Variants in ZNF462 observed in about 807,000 individuals in gnomAD.
ZNF462 encodes zinc finger PBX1-interacting protein.
In ZNF462, 10 loss-of-function variants were observed where a neutral mutation model predicts 201.9. That is an observed-to-expected ratio of 0.05 (90% CI 0.03 to 0.08). The LOEUF (loss-of-function observed/expected upper bound fraction) is 0.08, where lower values mean the gene tolerates loss of function less well. ZNF462 is among the 10% of genes least tolerant of loss of function. The probability of loss-of-function intolerance (pLI) is 1.00; values close to 1 mark genes in which losing one functional copy is unlikely to be tolerated. For synonymous variants in ZNF462, 1,227 were observed against 1,193.3 expected, an observed-to-expected ratio of 1.03 and a Z score of -0.58; for missense variants, 2,523 against 3,168.3, an observed-to-expected ratio of 0.80 and a Z score of 4.89.
chr9:106,959,393 G>C (rs774474560), intron 7 of ZNF462, among the ~76,000 whole-genome samples: 2 of 152,072 alleles, frequency 1.3e-5, no homozygotes, highest in African/African-American at 2.4e-5. Flanking sequence ...TCCATCCATA[G>C]AACACACTCC....
In ZNF462 at chr9:106,963,594, A is replaced by ATT. The variant is rs199609401; in HGVS notation, c.6428-8410_6428-8409dup. On this transcript the variant is annotated intron_variant, in intron 7 of 12. Coordinates refer to ENST00000277225, the MANE Select transcript of ZNF462 (RefSeq NM_021224.6). This position sits in a 1 kb window ranked among gnomAD's most constrained non-coding sequence, Gnocchi z 4.7. ...AATGGATATTTTCTTAAGTACCATC[A>ATT]TTAAGTATTTATGGTGATAATTAAA... 4.6e-5 allele frequency among the ~76,000 whole-genome samples: 7 copies of ATT among 152,074 alleles called. No homozygotes were observed. The East Asian group carries it at 1.4e-3, about 29-fold the overall frequency.
Position 106,892,067 on chromosome 9 carries a change from G to A in ZNF462, c.-31+28712G>A, listed in dbSNP as rs1296752180. Among the ~76,000 whole-genome samples the A allele has an allele frequency of 2.0e-5, 3 of 152,114 alleles. No individual in the cohort carries two copies. In the East Asian group the frequency reaches 5.8e-4, roughly 29 times the overall value. On this transcript the variant is annotated intron_variant, in intron 1 of 12. Coordinates refer to ENST00000277225, the MANE Select transcript of ZNF462 (RefSeq NM_021224.6). The stretch of plus-strand genomic sequence containing the variant: ...TGTATTTCTCTATTGAAAGAGCAGG[G>A]GATTCCATTTGAGGCTGTTGATTAA...
In ZNF462 at chr9:106,926,921, G is replaced by A. The variant is rs774203960; in HGVS notation, c.3009G>A (p.Thr1003=). The A allele has an allele frequency of 1.5e-5, 25 of 1,614,070 alleles. No individual in the cohort carries two copies. The highest frequency in any genetic ancestry group is 1.6e-4 in the Middle Eastern group (1 of 6,062). The change falls in exon 3 of 13, where the codon ACG becomes ACA. Residue 1003 remains threonine (T), a synonymous_variant. Transcript: ENST00000277225. The surrounding 1 kb of genome is among the most constrained non-coding windows in gnomAD (Gnocchi z 7.9). ...CTCGTGGTGGTGGTTTGCCAGCTAC[G>A]TTCAACAAAAACACTCCTAAGACCT... is the stretch of plus-strand genomic sequence containing the variant. ...PVARGGGLPA[T]FNKNTPKTFT...
chr9:106,932,402 G>C lies in ZNF462; in HGVS notation c.6013-44G>C, dbSNP rs750018013. ...TTGGAGGATGAAACCCGGCCGGGGG[G>C]ATACCATTGCAGTCAATGTGACAGA... On this transcript the variant is annotated intron_variant, in intron 4 of 12. Coordinates refer to ENST00000277225, the MANE Select transcript of ZNF462 (RefSeq NM_021224.6). This position sits in a 1 kb window ranked among gnomAD's most constrained non-coding sequence, Gnocchi z 6.8. 2.5e-5 allele frequency: 41 copies of C among 1,613,906 alleles called. No individual in the cohort carries two copies. Among genetic ancestry groups the C allele is most frequent in the African/African-American group, 4.0e-5 (3 of 74,936 alleles).
intron 7 of ZNF462, among the ~76,000 whole-genome samples, chr9:106,961,840 A>G (rs150190889): frequency 1.4e-4 from 21 of 152,226 alleles, no homozygotes; most frequent in Non-Finnish European, 2.6e-4. Context: ...ATTTGGACTG[A>G]GTTCAGTTTT....
intron 10 of ZNF462, among the ~76,000 whole-genome samples, chr9:107,000,640 T>C (rs1447204278): frequency 6.6e-6 from 1 of 152,134 alleles, no homozygotes; most frequent in East Asian, 1.9e-4. Flanking sequence ...TAGCAAAGAT[T>C]TTAGAAATCT....
At position 106,930,680 on chromosome 9, in the gene ZNF462, T is replaced by G; in HGVS notation, c.6003T>G (p.Ala2001=). 6.2e-7 allele frequency: 1 copy of G among 1,614,120 alleles called. No individual in the cohort carries two copies. Among genetic ancestry groups the G allele is most frequent in the Non-Finnish European group, 8.5e-7 (1 of 1,180,010 alleles). ...VQYGNVPAVS[A]AVKGLRSHER... is the part of the protein sequence containing the mutation. Reference sequence around the variant, plus strand: ...ATGGCAATGTCCCAGCTGTGTCAGCTGCTGTGAAGGTGAGAACTGGAAGGT... The same window carrying G: ...ATGGCAATGTCCCAGCTGTGTCAGCGGCTGTGAAGGTGAGAACTGGAAGGT... Residue 2001 remains alanine (A), a synonymous_variant, in exon 4 of 13, where the codon GCT becomes GCG. Transcript: ENST00000277225. This position sits in a 1 kb window ranked among gnomAD's most constrained non-coding sequence, Gnocchi z 5.8.
intron 1 of ZNF462, among the ~76,000 whole-genome samples, chr9:106,912,943 G>A (rs372199277): frequency 6.6e-6 from 1 of 152,196 alleles, no homozygotes; most frequent in Non-Finnish European, 1.5e-5. Flanking sequence ...GGACAGAATT[G>A]TTCCTCTGGC....
intron 1 of ZNF462, among the ~76,000 whole-genome samples, chr9:106,912,791 G>C (rs1187096792): frequency 6.6e-6 from 1 of 152,140 alleles, no homozygotes; most frequent in Admixed American, 6.5e-5. Flanking sequence ...TTAACTTTTA[G>C]AGTAGAGTCT....
rs1031088627 is a variant in ZNF462, at chr9:106,968,341, T to C, written c.6428-3664T>C. Among the ~76,000 whole-genome samples the C allele has an allele frequency of 2.0e-5, 3 of 152,222 alleles. No homozygotes were observed. Among genetic ancestry groups the C allele is most frequent in the Non-Finnish European group, 4.4e-5 (3 of 68,026 alleles). On this transcript the variant is annotated intron_variant, in intron 7 of 12. Coordinates refer to ENST00000277225, the MANE Select transcript of ZNF462 (RefSeq NM_021224.6). This position sits in a 1 kb window ranked among gnomAD's most constrained non-coding sequence, Gnocchi z 4.0. ...CTAAATCCTATAGGCACTGTGACCATCATTGCTAAAATTCTAATTTGATCC... is the reference window on the plus strand; with the variant it reads ...CTAAATCCTATAGGCACTGTGACCACCATTGCTAAAATTCTAATTTGATCC...
chr9:106,927,652 G>A lies in ZNF462; in HGVS notation c.3740G>A (p.Cys1247Tyr), dbSNP rs150499849. Reference sequence around the variant, plus strand: ...CGAAATCAGAAGAAGCCTGCCAGCTGCGTGCTTGTCTCCCCCTCTAATCTG... The same window carrying A: ...CGAAATCAGAAGAAGCCTGCCAGCTACGTGCTTGTCTCCCCCTCTAATCTG... ...CDRNQKKPAS[C>Y]VLVSPSNLER... Residue 1247 changes from cysteine (C) to tyrosine (Y), a missense_variant, in exon 3 of 13, where the codon TGC (cysteine) becomes TAC (tyrosine). Cys to Tyr is a radical substitution (Grantham distance 194, BLOSUM62 -2). This residue lies in a region of ZNF462 where 222 missense variants were observed against 271.6 expected (regional missense o/e 0.82). Transcript: ENST00000277225. 2.5e-6 allele frequency: 4 copies of A among 1,613,928 alleles called. No homozygotes were observed. The African/African-American group carries it at 5.3e-5, about 22-fold the overall frequency.
rs1205932757 is a variant in ZNF462, at chr9:106,963,587, T to C, written c.6428-8418T>C. ...TCAATCTAATGGATATTTTCTTAAGTACCATCATTAAGTATTTATGGTGAT... is the reference window on the plus strand; with the variant it reads ...TCAATCTAATGGATATTTTCTTAAGCACCATCATTAAGTATTTATGGTGAT... On this transcript the variant is annotated intron_variant, in intron 7 of 12. Coordinates refer to ENST00000277225, the MANE Select transcript of ZNF462 (RefSeq NM_021224.6). This position sits in a 1 kb window ranked among gnomAD's most constrained non-coding sequence, Gnocchi z 4.7. Among the ~76,000 whole-genome samples, 14 of 152,056 alleles carry C rather than the reference T, an allele frequency of 9.2e-5. No homozygotes were observed. The highest frequency in any genetic ancestry group is 9.2e-4 in the Admixed American group (14 of 15,240).
rs1588205951 is a variant in ZNF462, at chr9:107,006,268, C to T, written c.7189+2842C>T. On this transcript the variant is annotated intron_variant, in intron 11 of 12. Transcript: ENST00000277225. This position sits in a 1 kb window ranked among gnomAD's most constrained non-coding sequence, Gnocchi z 4.3. ...AATCACCTAATAAATGATAAGCCTG[C>T]AATGTAGGTGTTATTTTTGTGATTT... is the stretch of plus-strand genomic sequence containing the variant. Among the ~76,000 whole-genome samples, 1 of 152,192 alleles carries T rather than the reference C, an allele frequency of 6.6e-6. No individual in the cohort carries two copies. Among genetic ancestry groups the T allele is most frequent in the African/African-American group, 2.4e-5 (1 of 41,522 alleles).
chr9:106,915,765 C>CTG (rs1829747080), intron 1 of ZNF462, among the ~76,000 whole-genome samples: 1 of 152,180 alleles, frequency 6.6e-6, no homozygotes. Flanking sequence ...GGCTCAGGCA[C>CTG]TGTTTGCCTT....
At position 106,924,594 on chromosome 9, in the gene ZNF462, A is replaced by G. The variant is rs1419415703; in HGVS notation, c.682A>G (p.Ile228Val). The change falls in exon 3 of 13, where the codon ATC becomes GTC. Residue 228 changes from isoleucine to valine, a missense_variant. Around this residue, in one of 15 missense-constraint regions of ZNF462, gnomAD observed 480 missense variants for 544.4 expected, o/e 0.88. Coordinates refer to ENST00000277225, the MANE Select transcript of ZNF462 (RefSeq NM_021224.6). The surrounding 1 kb of genome is among the most constrained non-coding windows in gnomAD (Gnocchi z 6.2). ...GCCAGCAGAGGTTGTGGAGCGCAGC[A>G]TCTTAGAGTCTATGGTCAAGCCTTT... ...ELPAEVVERS[I>V]LESMVKPLTK... The G allele has an allele frequency of 1.2e-6, 2 of 1,614,204 alleles. No individual in the cohort carries two copies. Among genetic ancestry groups the G allele is most frequent in the South Asian group, 1.1e-5 (1 of 91,078 alleles).
chr9:106,972,405 G>A lies in ZNF462; in HGVS notation c.6695+133G>A, dbSNP rs1826670146. 1 of 1,304,638 alleles carries A rather than the reference G, an allele frequency of 7.7e-7. No homozygotes were observed. Among genetic ancestry groups the A allele is most frequent in the Non-Finnish European group, 1.0e-6 (1 of 960,300 alleles). The allele number at this position is 1,304,638 out of a possible 1,614,324, so 80.8% of individuals were successfully genotyped here. On this transcript the variant is annotated intron_variant, in intron 8 of 12. Transcript: ENST00000277225. This position sits in a 1 kb window ranked among gnomAD's most constrained non-coding sequence, Gnocchi z 4.8. The stretch of plus-strand genomic sequence containing the variant: ...GCCCATGTGATGATGTAGGGGTTGG[G>A]TCCAGGCTTCATGGAAGGAGGGTAG...
chr9:106,961,160 G>T (rs995133249), intron 7 of ZNF462, among the ~76,000 whole-genome samples: 11 of 151,954 alleles, frequency 7.2e-5, no homozygotes, highest in African/African-American at 2.7e-4. Flanking sequence ...CACAAACATC[G>T]ATGCCTACTG....
At chr9:106,987,636 C>A (rs1248911734) in intron 10 of ZNF462, among the ~76,000 whole-genome samples, 1 of 152,096 alleles carries the variant, frequency 6.6e-6, no homozygotes, top group Non-Finnish European at 1.5e-5. Flanking sequence ...GCTAACTATT[C>A]TTTCTGCCAT....
Position 106,935,150 on chromosome 9 carries a change from G to T in ZNF462, c.6117-353G>T, listed in dbSNP as rs1361013726. Among the ~76,000 whole-genome samples, 1 of 152,144 alleles carries T rather than the reference G, an allele frequency of 6.6e-6. No individual in the cohort carries two copies. Among genetic ancestry groups the T allele is most frequent in the Non-Finnish European group, 1.5e-5 (1 of 68,024 alleles). ...GGACTAATTGATAGGCACTCTCACTGGCTTGGCAGGAAGCTTGAATTCACC... is the reference window on the plus strand; with the variant it reads ...GGACTAATTGATAGGCACTCTCACTTGCTTGGCAGGAAGCTTGAATTCACC... On this transcript the variant is annotated intron_variant, in intron 5 of 12. Coordinates refer to ENST00000277225, the MANE Select transcript of ZNF462 (RefSeq NM_021224.6). This position sits in a 1 kb window ranked among gnomAD's most constrained non-coding sequence, Gnocchi z 4.1.
Sources: gnomAD v4.1 joint callset for allele counts (sites outside exome capture counted in the v4.1 genomes callset) on GRCh38, gnomAD v4.1.1 for gene constraint, gnomAD v4.1.1 regional missense constraint, Gnocchi (gnomAD v3.1) non-coding constraint, MANE v1.5 for transcripts, NCBI Gene and HGNC (gene_info 2026-07-23, HGNC 2026-07-21) for gene names.